ST8SIA2: variants seen among roughly 807,000 people sequenced by gnomAD.
The protein encoded by ST8SIA2 is ST8 alpha-N-acetyl-neuraminide alpha-2,8-sialyltransferase 2, also known as alpha-2,8-sialyltransferase 8B.
Under a neutral mutation model 37.6 loss-of-function variants are expected in ST8SIA2, and 22 were observed. That is an observed-to-expected ratio of 0.58 (90% CI 0.42 to 0.83). The LOEUF is 0.83. Ranked by LOEUF, ST8SIA2 falls within the 40% of genes least tolerant of loss-of-function variation. The pLI is 0.00. For synonymous variants in ST8SIA2, 205 were observed against 201.2 expected, an observed-to-expected ratio of 1.02 and a Z score of -0.16; for missense variants, 382 against 484.7, an observed-to-expected ratio of 0.79 and a Z score of 1.99.
chr15:92,429,471 A>G (rs1340215029), intron 1 of ST8SIA2, among the ~76,000 whole-genome samples: 1 of 152,084 alleles, frequency 6.6e-6, no homozygotes, highest in Non-Finnish European at 1.5e-5. Flanking sequence ...ACTCACATAC[A>G]CCCTTCTCAC....
intron 3 of ST8SIA2, 73 bp from the exon 4 acceptor site, chr15:92,438,280 A>G (rs1398145622): frequency 1.2e-6 from 2 of 1,612,128 alleles, no homozygotes; most frequent in African/African-American, 2.7e-5. Flanking sequence ...GCGACCCTGG[A>G]TAGGAAAAGC....
At chr15:92,460,864 G>A (rs1950870997) in intron 5 of ST8SIA2, among the ~76,000 whole-genome samples, 1 of 152,202 alleles carries the variant, frequency 6.6e-6, no homozygotes, top group African/African-American at 2.4e-5. Flanking sequence ...ATCTGAGTGT[G>A]TTGCTCAATC....
chr15:92,450,092 A>C (rs2049871329), intron 5 of ST8SIA2, among the ~76,000 whole-genome samples: 1 of 152,240 alleles, frequency 6.6e-6, no homozygotes, highest in East Asian at 1.9e-4. Flanking sequence ...AATGAAAGAA[A>C]AAATAGATAA....
chr15:92,439,677 G>C (rs575821109), intron 4 of ST8SIA2, among the ~76,000 whole-genome samples: 1 of 152,178 alleles, frequency 6.6e-6, no homozygotes, highest in African/African-American at 2.4e-5. Context: ...CGCTACCACA[G>C]CCTGGCAGCC....
At chr15:92,425,697 T>A (rs2049670430) in intron 1 of ST8SIA2, among the ~76,000 whole-genome samples, 1 of 152,156 alleles carries the variant, frequency 6.6e-6, no homozygotes, top group African/African-American at 2.4e-5. Context: ...ATGGGCACGG[T>A]GGGGCCAGAG....
At chr15:92,396,982 C>T (rs2049436872) in intron 1 of ST8SIA2, among the ~76,000 whole-genome samples, 1 of 152,196 alleles carries the variant, frequency 6.6e-6, no homozygotes, top group African/African-American at 2.4e-5. Flanking sequence ...AGCCCTGCCC[C>T]TCCATCCCCA....
intron 3 of ST8SIA2, among the ~76,000 whole-genome samples, chr15:92,435,905 G>A (rs1044106589): frequency 3.9e-5 from 6 of 152,116 alleles, no homozygotes; most frequent in African/African-American, 1.4e-4. Context: ...CAACAGAAAT[G>A]TATTCTTGCA....
chr15:92,402,855 G>A (rs1445989848), intron 1 of ST8SIA2, among the ~76,000 whole-genome samples: 1 of 151,442 alleles, frequency 6.6e-6, no homozygotes, highest in African/African-American at 2.4e-5. Flanking sequence ...TTACCAGAGA[G>A]AGAGAGAGAG....
chr15:92,412,204 G>A (rs2049554624), intron 1 of ST8SIA2, among the ~76,000 whole-genome samples: 1 of 152,012 alleles, frequency 6.6e-6, no homozygotes, highest in Non-Finnish European at 1.5e-5. Flanking sequence ...GAGGGGTGGA[G>A]GCAGGCAGGA....
At chr15:92,425,589 C>T (rs761816889) in intron 1 of ST8SIA2, among the ~76,000 whole-genome samples, 1 of 152,024 alleles carries the variant, frequency 6.6e-6, no homozygotes, top group Non-Finnish European at 1.5e-5. Context: ...GTTATACTCA[C>T]ATCACGGGGC....
chr15:92,432,886 C>A (rs2049726797), intron 2 of ST8SIA2, among the ~76,000 whole-genome samples: 1 of 152,182 alleles, frequency 6.6e-6, no homozygotes, highest in South Asian at 2.1e-4. Context: ...AATCTCAGCA[C>A]TTTGGGAGAC....
At chr15:92,462,518 C>T (rs191703088) in intron 5 of ST8SIA2, among the ~76,000 whole-genome samples, 3 of 152,286 alleles carry the variant, frequency 2.0e-5, no homozygotes, top group Admixed American at 2.0e-4. Context: ...CAGCTAAAAG[C>T]ACTAAATCAT....
chr15:92,428,633 G>A (rs569172287), intron 1 of ST8SIA2, among the ~76,000 whole-genome samples: 1 of 152,154 alleles, frequency 6.6e-6, no homozygotes, highest in Non-Finnish European at 1.5e-5. Flanking sequence ...ACCCCAACAT[G>A]GAAGTACAAG....
intron 1 of ST8SIA2, among the ~76,000 whole-genome samples, chr15:92,406,358 T>C (rs2049507946): frequency 1.3e-5 from 2 of 152,186 alleles, no homozygotes; most frequent in African/African-American, 4.8e-5. Flanking sequence ...TGCTGGCCCA[T>C]TTCAGGACCA....
chr15:92,458,604 A>G (rs998723882), intron 5 of ST8SIA2, among the ~76,000 whole-genome samples: 11 of 152,218 alleles, frequency 7.2e-5, no homozygotes, highest in Admixed American at 3.9e-4. Flanking sequence ...TTCCGCAGTC[A>G]TAGTTCTTGA....
intron 1 of ST8SIA2, among the ~76,000 whole-genome samples, chr15:92,407,794 C>T (rs893039504): frequency 6.6e-6 from 1 of 152,168 alleles, no homozygotes; most frequent in African/African-American, 2.4e-5. Context: ...TTGCTATTAC[C>T]TTCTATTTAG....
chr15:92,394,533 GC>G (rs2049415364), intron 1 of ST8SIA2, among the ~76,000 whole-genome samples: 1 of 152,172 alleles, frequency 6.6e-6, no homozygotes, highest in Non-Finnish European at 1.5e-5. Context: ...GTGGAGGGAG[GC>G]AGGAGTTTCT....
chr15:92,419,779 C>G (rs1161678340), intron 1 of ST8SIA2, among the ~76,000 whole-genome samples: 1 of 152,124 alleles, frequency 6.6e-6, no homozygotes. Flanking sequence ...TATGTATTGC[C>G]CTGGGTTTTA....
At chr15:92,413,952 G>A (rs1455084880) in intron 1 of ST8SIA2, among the ~76,000 whole-genome samples, 1 of 152,214 alleles carries the variant, frequency 6.6e-6, no homozygotes, top group Non-Finnish European at 1.5e-5. Flanking sequence ...AGACCCTGGG[G>A]GCTAATAGGC....
Sources: allele counts gnomAD v4.1 joint callset (sites outside exome capture counted in the v4.1 genomes callset), GRCh38; gene constraint gnomAD v4.1.1; transcripts MANE v1.5; gene names NCBI Gene and HGNC (gene_info 2026-07-23, HGNC 2026-07-21).